The following RASGEF1C variants were observed in gnomAD, a reference collection of about 807,000 sequenced individuals.
RASGEF1C encodes the protein RasGEF domain family member 1C, also known as ras-GEF domain-containing family member 1C.
In RASGEF1C, 27 loss-of-function variants were observed where a neutral mutation model predicts 58.1. The observed-to-expected ratio is 0.46, with a 90% CI of 0.34 to 0.64. The LOEUF is 0.64. Ranked by LOEUF, RASGEF1C falls within the 30% of genes least tolerant of loss-of-function variation. RASGEF1C has a pLI of 0.01. For synonymous variants in RASGEF1C, 243 were observed against 246.3 expected, an observed-to-expected ratio of 0.99 and a Z score of 0.13; for missense variants, 502 against 605.1, an observed-to-expected ratio of 0.83 and a Z score of 1.79.
intron 12 of RASGEF1C, among the ~76,000 whole-genome samples, chr5:180,107,254 C>T (rs1369013144): frequency 2.0e-5 from 3 of 152,140 alleles, no homozygotes; most frequent in Non-Finnish European, 2.9e-5. Flanking sequence ...AGACCATTTA[C>T]ATTTAATGTA....
chr5:180,121,637 T>TCACACACACACACACACACACACACA (rs762495633), intron 6 of RASGEF1C, among the ~76,000 whole-genome samples: 1 of 113,350 alleles, frequency 8.8e-6, no homozygotes, highest in Non-Finnish European at 1.8e-5. Flanking sequence ...AAATGTAACT[T>TCACACACACACACACACACACACACA]CACACACACA....
chr5:180,171,800 A>G (rs1767112499), intron 1 of RASGEF1C, among the ~76,000 whole-genome samples: 1 of 152,230 alleles, frequency 6.6e-6, no homozygotes, highest in Non-Finnish European at 1.5e-5. Context: ...CTGGGAGTCA[A>G]TTCAAAGAGT....
chr5:180,147,608 A>G (rs1278827037), intron 1 of RASGEF1C, among the ~76,000 whole-genome samples: 1 of 152,062 alleles, frequency 6.6e-6, no homozygotes, highest in African/African-American at 2.4e-5. Context: ...TGAATTTTCC[A>G]GTTTTCCTTC....
At chr5:180,108,885 G>A (rs1353357650) in intron 12 of RASGEF1C, among the ~76,000 whole-genome samples, 1 of 152,156 alleles carries the variant, frequency 6.6e-6, no homozygotes, top group African/African-American at 2.4e-5. Flanking sequence ...GGGGTTGTGG[G>A]AGGGACAGAA....
chr5:180,188,598 T>TAA lies in RASGEF1C; in HGVS notation c.-7+20429_-7+20430insTT, dbSNP rs562192042. Among the ~76,000 whole-genome samples, 28 of 152,334 alleles carry TAA rather than the reference T, an allele frequency of 1.8e-4. No homozygotes were observed. In the South Asian group the frequency reaches 5.6e-3, roughly 30 times the overall value. On this transcript the variant is annotated intron_variant, in intron 1 of 13. Coordinates refer to ENST00000361132, the MANE Select transcript of RASGEF1C (RefSeq NM_175062.4). ...CGGTGAGAAACCTGCACTTACATCA[T>TAA]ACTTAACAGTGAAAATTGGAATACT...
At chr5:180,108,270 C>T (rs971422428) in intron 12 of RASGEF1C, among the ~76,000 whole-genome samples, 115 of 150,404 alleles carry the variant, frequency 7.6e-4, no homozygotes, top group African/African-American at 4.7e-4. Flanking sequence ...GGTGCGATCT[C>T]GGCTCACTGT....
rs1164992375 is a variant in RASGEF1C at position 180,100,940 on chromosome 5, A to G, written c.*561T>C. On this transcript the variant is annotated 3_prime_UTR_variant, in exon 14 of 14. Transcript: ENST00000361132. ...CACCGGAAAGCTATCTCCTGGGGCC[A>G]GCAGCATCCAGGAAGGGGGTACCTG... 1 of 155,584 alleles carries G rather than the reference A, an allele frequency of 6.4e-6. No homozygotes were observed. The highest frequency in any genetic ancestry group is 2.4e-5 in the African/African-American group (1 of 41,500). 9.6% of individuals were successfully genotyped at this position (155,584 alleles called of 1,614,324 possible).
chr5:180,173,710 T>A (rs55773286), intron 1 of RASGEF1C, among the ~76,000 whole-genome samples: 2 of 151,968 alleles, frequency 1.3e-5, no homozygotes, highest in African/African-American at 2.4e-5. Flanking sequence ...GTCAGGAGTT[T>A]GAGACCAGCC....
rs368574360 is a variant in RASGEF1C, at chr5:180,176,792, A to G, written c.-7+32236T>C. 2.9e-3 allele frequency among the ~76,000 whole-genome samples: 447 copies of G among 152,096 alleles called. 1 individual carries two copies. The highest frequency in any genetic ancestry group is 9.6e-3 in the African/African-American group (397 of 41,506). ...AGGATGGTCTCGATCTCCTGACTTCATGATCCGCCCGCCTCGGCCTCCCAA... is the reference window on the plus strand; with the variant it reads ...AGGATGGTCTCGATCTCCTGACTTCGTGATCCGCCCGCCTCGGCCTCCCAA... On this transcript the variant is annotated intron_variant, in intron 1 of 13. Coordinates refer to ENST00000361132, the MANE Select transcript of RASGEF1C (RefSeq NM_175062.4).
intron 4 of RASGEF1C, among the ~76,000 whole-genome samples, chr5:180,129,985 T>C (rs1766336858): frequency 1.3e-5 from 2 of 152,180 alleles, no homozygotes; most frequent in African/African-American, 4.8e-5. Flanking sequence ...ACCCAGCCCA[T>C]GATGTGGCCC....
At chr5:180,153,230 C>CAT (rs1766793190) in intron 1 of RASGEF1C, among the ~76,000 whole-genome samples, 1 of 152,180 alleles carries the variant, frequency 6.6e-6, no homozygotes, top group African/African-American at 2.4e-5. Flanking sequence ...TCTGCACATC[C>CAT]GTGCTCAGAG....
Position 180,103,566 on chromosome 5 carries a change from C to G in RASGEF1C, c.1304-1423G>C, listed in dbSNP as rs182302730. Among the ~76,000 whole-genome samples the G allele has an allele frequency of 7.6e-3, 1,157 of 152,248 alleles. 3 individuals carry two copies. The highest frequency in any genetic ancestry group is 0.011 in the Non-Finnish European group (747 of 68,016). ...GTATCCTGCAACCTTGCTGAACTCC[C>G]TTATTAGTTCTAGGGGTTTTTGTAG... On this transcript the variant is annotated intron_variant, in intron 12 of 13. Transcript: ENST00000361132.
At chr5:180,134,164 G>A (rs918771686) in intron 4 of RASGEF1C, among the ~76,000 whole-genome samples, 2 of 152,166 alleles carry the variant, frequency 1.3e-5, no homozygotes, top group African/African-American at 4.8e-5. Context: ...AGCGCCCAGT[G>A]AGGAGAGGCA....
At chr5:180,164,731 T>A (rs991417746) in intron 1 of RASGEF1C, among the ~76,000 whole-genome samples, 3 of 152,230 alleles carry the variant, frequency 2.0e-5, no homozygotes, top group Non-Finnish European at 4.4e-5. Context: ...TGGTGAATAT[T>A]CCATTTGCAC....
At position 180,160,151 on chromosome 5, in the gene RASGEF1C, G is replaced by A. The variant is rs147055565; in HGVS notation, c.-6-22093C>T. On this transcript the variant is annotated intron_variant, in intron 1 of 13. Coordinates refer to ENST00000361132, the MANE Select transcript of RASGEF1C (RefSeq NM_175062.4). ...GATGCCACTTCTTTGCTAACTTGGA[G>A]GTGTTTCCTGCAAATCTCGTCTGTT... Among the ~76,000 whole-genome samples the A allele has an allele frequency of 2.8e-3, 424 of 152,328 alleles. 3 individuals carry two copies. Among genetic ancestry groups the A allele is most frequent in the Middle Eastern group, 0.014 (4 of 294 alleles).
chr5:180,199,689 C>CCCCTCCCT (rs1204256891), intron 1 of RASGEF1C, among the ~76,000 whole-genome samples: 1 of 139,388 alleles, frequency 7.2e-6, no homozygotes, highest in African/African-American at 2.6e-5. Flanking sequence ...CCCTTCCCCT[C>CCCCTCCCT]CCCTCCCTCC....
chr5:180,127,925 C>G (rs546261942), intron 5 of RASGEF1C, among the ~76,000 whole-genome samples: 1 of 152,242 alleles, frequency 6.6e-6, no homozygotes, highest in South Asian at 2.1e-4. Context: ...TGAGGCGTGA[C>G]GCCCAGGGAA....
At chr5:180,184,568 C>A (rs886112003) in intron 1 of RASGEF1C, among the ~76,000 whole-genome samples, 6 of 152,138 alleles carry the variant, frequency 3.9e-5, no homozygotes, top group Admixed American at 2.6e-4. Flanking sequence ...CAGAGCAAGA[C>A]TCCATCTCAA....
chr5:180,184,986 C>T (rs1307695410), intron 1 of RASGEF1C, among the ~76,000 whole-genome samples: 1 of 152,116 alleles, frequency 6.6e-6, no homozygotes. Flanking sequence ...TGGATAAAAC[C>T]AGCAGATAGA....
Sources: gnomAD v4.1 joint callset for allele counts (sites outside exome capture counted in the v4.1 genomes callset) on GRCh38, gnomAD v4.1.1 for gene constraint, MANE v1.5 for transcripts, NCBI Gene and HGNC (gene_info 2026-07-23, HGNC 2026-07-21) for gene names.